Variants in TUSC3 observed in about 807,000 individuals in gnomAD.
The protein encoded by TUSC3 is dolichyl-diphosphooligosaccharide--protein glycosyltransferase subunit TUSC3.
In TUSC3, 45 loss-of-function variants were observed where a neutral mutation model predicts 44.8. That is an observed-to-expected ratio of 1.00 (90% CI 0.79 to 1.29). TUSC3 has a LOEUF of 1.29. Ranked by LOEUF, TUSC3 falls within the 50% of genes most tolerant of loss-of-function variation. The pLI, the probability that TUSC3 is intolerant of heterozygous loss-of-function variation, is 0.00. For missense variants in TUSC3, 519 were observed against 437.9 expected, an observed-to-expected ratio of 1.19 and a Z score of -1.65; for synonymous variants, 212 against 152.9, an observed-to-expected ratio of 1.39 and a Z score of -2.85.
chr8:15,586,003 G>T (rs1803585187), intron 1 of TUSC3, among the ~76,000 whole-genome samples: 1 of 152,170 alleles, frequency 6.6e-6, no homozygotes, highest in Non-Finnish European at 1.5e-5. Flanking sequence ...AAGAAAATCA[G>T]TGAAGAAGGT....
intron 9 of TUSC3, 47 bp from the exon 10 acceptor site, chr8:15,757,744 G>C (rs1811988778): frequency 1.4e-6 from 2 of 1,475,710 alleles, no homozygotes; most frequent in East Asian, 2.3e-5. Context: ...CAATCTTAAG[G>C]ATTATTTTTT....
chr8:15,822,882 G>T, the TUSC3 span, among the ~76,000 whole-genome samples: 1 of 152,042 alleles, frequency 6.6e-6, no homozygotes, highest in East Asian at 1.9e-4. Flanking sequence ...TTGGAGATTT[G>T]GGGGCAAAAG....
intron 6 of TUSC3, among the ~76,000 whole-genome samples, chr8:15,700,849 CTTTTT>C (rs71211076): frequency 4.4e-5 from 4 of 90,538 alleles, no homozygotes; most frequent in Middle Eastern, 7.0e-3. Context: ...ATGGCTGGAG[CTTTTT>C]TTTTTTTTTT....
chr8:15,599,379 G>A (rs775663352), intron 1 of TUSC3, among the ~76,000 whole-genome samples: 2 of 151,546 alleles, frequency 1.3e-5, no homozygotes, highest in Non-Finnish European at 3.0e-5. Context: ...TTTGTGAGTC[G>A]TCTTCTTATT....
rs1295751043 is a variant in TUSC3, at chr8:15,459,086, A to G, written n.92-24300A>G. Among the ~76,000 whole-genome samples, 3 of 152,314 alleles carry G rather than the reference A, an allele frequency of 2.0e-5. No homozygotes were observed. The East Asian group carries it at 5.8e-4, about 29-fold the overall frequency. Reference sequence around the variant, plus strand: ...CAGTCCTTTAGCAGTTAAAGTATCTATACTCCTAGCCTTATGACCCAAGTT... The same window carrying G: ...CAGTCCTTTAGCAGTTAAAGTATCTGTACTCCTAGCCTTATGACCCAAGTT... On this transcript the variant is annotated intron_variant and non_coding_transcript_variant, in intron 1 of 5. Transcript: ENST00000503191.
exon 1 of TUSC3, chr8:15,417,270 C>T (rs915556645): frequency 6.6e-6 from 1 of 152,430 alleles, no homozygotes. Context: ...TTCCTGAGGC[C>T]TCCTCAGCCA....
At chr8:15,816,062 G>C in the TUSC3 span, among the ~76,000 whole-genome samples, 2 of 152,220 alleles carry the variant, frequency 1.3e-5, no homozygotes, top group South Asian at 2.1e-4. Flanking sequence ...CCAGTGTATT[G>C]TGTGAGCATT....
Position 15,573,198 on chromosome 8 carries a change from CTCTCTATATATA to C in TUSC3, c.138+32632_138+32643del, listed in dbSNP as rs1336144290. Among the ~76,000 whole-genome samples, 35 of 101,554 alleles carry C rather than the reference CTCTCTATATATA, an allele frequency of 3.4e-4. 1 individual carries two copies. The highest frequency in any genetic ancestry group is 3.9e-4 in the Non-Finnish European group (20 of 51,478). 66.6% of individuals were successfully genotyped at this position (101,554 alleles called of 152,430 possible). ...TCTCTCTCTCTCTCTCTCTCTCTCT[CTCTCTATATATA>C]TATATATATATATATATATAAAAGT... On this transcript the variant is annotated intron_variant, in intron 1 of 10. Transcript: ENST00000503731.
At chr8:15,807,276 G>A in the TUSC3 span, 2 of 578,888 alleles carry the variant, frequency 3.5e-6, no homozygotes, top group Non-Finnish European at 3.1e-6. Flanking sequence ...TCTAAAGATG[G>A]TCCCATTATG....
intron 1 of TUSC3, among the ~76,000 whole-genome samples, chr8:15,573,402 C>T (rs180995334): frequency 6.6e-6 from 1 of 151,606 alleles, no homozygotes; most frequent in East Asian, 2.0e-4. Context: ...TACACAATAG[C>T]GTGGCGGTGG....
intron 3 of TUSC3, among the ~76,000 whole-genome samples, chr8:15,655,557 C>A (rs1807121438): frequency 6.6e-6 from 1 of 152,186 alleles, no homozygotes; most frequent in Non-Finnish European, 1.5e-5. Flanking sequence ...CTCGAAGTTG[C>A]CCACCTGGCC....
At chr8:15,686,272 T>C (rs948640817) in intron 6 of TUSC3, among the ~76,000 whole-genome samples, 15 of 152,270 alleles carry the variant, frequency 9.9e-5, no homozygotes, top group Non-Finnish European at 1.8e-4. Context: ...AGCTTATGCG[T>C]AGGCTGTAAC....
the TUSC3 span, among the ~76,000 whole-genome samples, chr8:15,790,178 CCTTTT>C: frequency 1.1e-4 from 13 of 118,186 alleles, no homozygotes; most frequent in African/African-American, 4.2e-4. Flanking sequence ...ATTGTTAAGG[CCTTTT>C]TTTTTTTTTT....
intron 1 of TUSC3, among the ~76,000 whole-genome samples, chr8:15,601,559 C>G (rs1237621139): frequency 6.6e-6 from 1 of 151,652 alleles, no homozygotes. Context: ...CACAGCTGAT[C>G]AGGGGTAGAA....
At chr8:15,457,085 C>A (rs560735187) in intron 1 of TUSC3, among the ~76,000 whole-genome samples, 1 of 147,380 alleles carries the variant, frequency 6.8e-6, no homozygotes, top group African/African-American at 2.5e-5. Flanking sequence ...CCAAACACTG[C>A]GTGTTCTCAC....
At chr8:15,658,764 AAT>A (rs1254939457) in intron 3 of TUSC3, among the ~76,000 whole-genome samples, 1 of 151,894 alleles carries the variant, frequency 6.6e-6, no homozygotes, top group African/African-American at 2.4e-5. Flanking sequence ...AAATTAACCT[AAT>A]ATATGTTTTT....
At chr8:15,481,161 C>G (rs538635027) in intron 1 of TUSC3, among the ~76,000 whole-genome samples, 1 of 149,186 alleles carries the variant, frequency 6.7e-6, no homozygotes, top group South Asian at 2.1e-4. Context: ...GGCAGGAGAA[C>G]TGCTTGAACC....
chr8:15,781,571 G>T, the TUSC3 span, among the ~76,000 whole-genome samples: 10 of 151,758 alleles, frequency 6.6e-5, no homozygotes, highest in African/African-American at 2.2e-4. Context: ...GAAGTGGGAT[G>T]ATAAAAGAAA....
intron 6 of TUSC3, among the ~76,000 whole-genome samples, chr8:15,679,131 A>G (rs1461091058): frequency 2.0e-5 from 3 of 152,152 alleles, no homozygotes; most frequent in East Asian, 1.9e-4. Flanking sequence ...CAGTAACGAG[A>G]TTGCTAGGTA....
Sources: gnomAD v4.1 joint callset for allele counts (sites outside exome capture counted in the v4.1 genomes callset) on GRCh38, gnomAD v4.1.1 for gene constraint, MANE v1.5 for transcripts, NCBI Gene and HGNC (gene_info 2026-07-23, HGNC 2026-07-21) for gene names.